The following L3MBTL3 variants were observed in gnomAD, a reference collection of about 807,000 sequenced individuals.
L3MBTL3 encodes the protein lethal(3)malignant brain tumor-like protein 3.
L3MBTL3 carries 27 observed loss-of-function variants against 102.3 expected under a neutral mutation model. That is an observed-to-expected ratio of 0.26 (90% CI 0.19 to 0.36). L3MBTL3 has a LOEUF of 0.36. L3MBTL3 is among the 10% of genes least tolerant of loss of function. L3MBTL3 has a pLI of 1.00. For missense variants in L3MBTL3, 798 were observed against 955.3 expected (o/e 0.84, Z 2.17); for synonymous variants, 340 against 320.9 (o/e 1.06, Z -0.64).
At chr6:130,114,829 C>G (rs1785559549) in intron 19 of L3MBTL3, among the ~76,000 whole-genome samples, 1 of 152,118 alleles carries the variant, frequency 6.6e-6, no homozygotes, top group Admixed American at 6.5e-5. Flanking sequence ...GTTTTAGTCC[C>G]AAGTCCCACT....
At chr6:130,104,087 C>T (rs571542052) in intron 18 of L3MBTL3, among the ~76,000 whole-genome samples, 2 of 152,290 alleles carry the variant, frequency 1.3e-5, no homozygotes, top group East Asian at 3.9e-4. Context: ...CTCTCTCCCA[C>T]CTTTGTCCTG....
In L3MBTL3 at chr6:130,139,678, G is replaced by A; in HGVS notation, c.2268G>A (p.Leu756=). The A allele has an allele frequency of 1.2e-6, 2 of 1,611,222 alleles. No individual in the cohort carries two copies. Among genetic ancestry groups the A allele is most frequent in the African/African-American group, 2.7e-5 (2 of 74,914 alleles). ...TTGTTAAAATTATGAGCATTAAACT[G>A]GGCCCTGCTCTCAAAATTTTCAATT... ...TDIVKIMSIK[L]GPALKIFNSI... is the part of the protein sequence containing the mutation. The change falls in exon 23 of 23, where the codon CTG becomes CTA. Residue 756 remains leucine (L), a synonymous_variant. Coordinates refer to ENST00000361794, the MANE Select transcript of L3MBTL3 (RefSeq NM_032438.4).
rs557076045 is a variant in L3MBTL3 at position 130,049,145 on chromosome 6, G to A, written c.103-137G>A. 8.3e-6 allele frequency: 5 copies of A among 605,430 alleles called. No homozygotes were observed. In the East Asian group the frequency reaches 1.4e-4, roughly 17 times the overall value. The allele number at this position is 605,430 out of a possible 1,614,324, so 37.5% of individuals were successfully genotyped here. ...AAAGGTCTTAGTATTGGTGGGAGGT[G>A]TATCAGGATATAATTGTCTAAATTA... On this transcript the variant is annotated intron_variant, in intron 3 of 22. Coordinates refer to ENST00000361794, the MANE Select transcript of L3MBTL3 (RefSeq NM_032438.4).
At chr6:130,058,378 C>G (rs1040951574) in intron 9 of L3MBTL3, among the ~76,000 whole-genome samples, 1 of 151,782 alleles carries the variant, frequency 6.6e-6, no homozygotes, top group Non-Finnish European at 1.5e-5. Context: ...ACATGCCTGC[C>G]TGCAGTCTCA....
At chr6:130,123,703 T>G (rs1317930086) in intron 20 of L3MBTL3, among the ~76,000 whole-genome samples, 1 of 152,228 alleles carries the variant, frequency 6.6e-6, no homozygotes, top group East Asian at 1.9e-4. Context: ...AAATGGTTTT[T>G]CAAGAACCAT....
intron 14 of L3MBTL3, among the ~76,000 whole-genome samples, chr6:130,078,944 T>C (rs1014270065): frequency 2.0e-5 from 3 of 152,136 alleles, no homozygotes; most frequent in Non-Finnish European, 2.9e-5. Flanking sequence ...TCAAATTTTG[T>C]CTCTCTTGGA....
intron 2 of L3MBTL3, among the ~76,000 whole-genome samples, chr6:130,038,620 G>C (rs1221500707): frequency 6.6e-6 from 1 of 151,762 alleles, no homozygotes; most frequent in Non-Finnish European, 1.5e-5. Context: ...CAGATTATTT[G>C]CTTTTTTGCT....
chr6:130,068,397 G>A lies in L3MBTL3; in HGVS notation c.1068G>A (p.Lys356=), dbSNP rs770964174. Residue 356 remains lysine, a synonymous_variant, in exon 12 of 23, where the codon AAG becomes AAA. Transcript: ENST00000361794. ...CATGTAAAGCTCAAGCTGCTCCTAA[G>A]TCATTATTTGAAAATCAGAATATAG... ...LKTCKAQAAP[K]SLFENQNITV... is the part of the protein sequence containing the mutation. 4 of 1,601,544 alleles carry A rather than the reference G, an allele frequency of 2.5e-6. No individual in the cohort carries two copies. Among genetic ancestry groups the A allele is most frequent in the Non-Finnish European group, 1.7e-6 (2 of 1,169,100 alleles).
chr6:130,021,586 A>C (rs972273875), intron 1 of L3MBTL3, among the ~76,000 whole-genome samples: 2 of 152,316 alleles, frequency 1.3e-5, no homozygotes, highest in Middle Eastern at 3.4e-3. Context: ...CTTTATTTTG[A>C]ATGTTAAGAA....
chr6:130,094,023 A>G (rs1562304753), intron 17 of L3MBTL3, among the ~76,000 whole-genome samples: 1 of 152,252 alleles, frequency 6.6e-6, no homozygotes, highest in Non-Finnish European at 1.5e-5. Flanking sequence ...GTCAAAGTTT[A>G]TCATTTCATT....
intron 9 of L3MBTL3, among the ~76,000 whole-genome samples, chr6:130,058,711 T>C (rs1222930012): frequency 1.3e-5 from 2 of 152,198 alleles, no homozygotes; most frequent in Non-Finnish European, 2.9e-5. Context: ...TAGGTCATTG[T>C]AGCACAAAAG....
In L3MBTL3 at chr6:130,133,265, T is replaced by C. The variant is rs931431932; in HGVS notation, c.1967-187T>C. ...GCTGTAGCAAATGATATCAGTTGAATTTACAGGTTGTTTTTTATAGTGACC... is the reference window on the plus strand; with the variant it reads ...GCTGTAGCAAATGATATCAGTTGAACTTACAGGTTGTTTTTTATAGTGACC... On this transcript the variant is annotated intron_variant, in intron 20 of 22. Transcript: ENST00000361794. The surrounding 1 kb of genome is among the most constrained non-coding windows in gnomAD (Gnocchi z 4.9). The C allele has an allele frequency of 1.2e-5, 7 of 566,044 alleles. No homozygotes were observed. Among genetic ancestry groups the C allele is most frequent in the Admixed American group, 3.1e-5 (1 of 32,186 alleles). The allele number at this position is 566,044 out of a possible 1,614,324, so 35.1% of individuals were successfully genotyped here. A position where few individuals can be genotyped will look rare whatever the true frequency, so the allele number is the denominator to read the frequency against.
chr6:130,108,284 G>T (rs1309404995), intron 19 of L3MBTL3, among the ~76,000 whole-genome samples: 1 of 139,774 alleles, frequency 7.2e-6, no homozygotes, highest in Non-Finnish European at 1.5e-5. Context: ...ACCCAGGCTG[G>T]AGTGCAGTGG....
At chr6:130,093,695 A>C (rs1002930303) in intron 17 of L3MBTL3, among the ~76,000 whole-genome samples, 3 of 152,252 alleles carry the variant, frequency 2.0e-5, no homozygotes, top group Non-Finnish European at 2.9e-5. Context: ...TTTATGTGGC[A>C]AAATAAAACA....
chr6:130,104,484 C>T lies in L3MBTL3; in HGVS notation c.1795C>T (p.Arg599Cys), dbSNP rs774664869. 5.6e-6 allele frequency: 9 copies of T among 1,599,258 alleles called. No homozygotes were observed. The East Asian group carries it at 6.8e-5, about 12-fold the overall frequency. ...GAATAAAGACCGTATTTTTCCAGACCGCTTAAGTGGTGAGATGCCTCCGGC... is the reference window on the plus strand; with the variant it reads ...GAATAAAGACCGTATTTTTCCAGACTGCTTAAGTGGTGAGATGCCTCCGGC... ...NLNKDRIFPD[R>C]LSGEMPPASP... The change falls in exon 19 of 23, where the codon CGC becomes TGC. Residue 599 changes from arginine to cysteine, a missense_variant. Arg to Cys is a radical substitution (Grantham distance 180). This residue lies in a region of L3MBTL3 where 306 missense variants were observed against 314.4 expected (regional missense o/e 0.97). Coordinates refer to ENST00000361794, the MANE Select transcript of L3MBTL3 (RefSeq NM_032438.4).
chr6:130,049,902 C>A, intron 5 of L3MBTL3, 72 bp downstream of exon 5: 11 of 1,532,994 alleles, frequency 7.2e-6, no homozygotes, highest in Non-Finnish European at 9.7e-6. Flanking sequence ...CAAACCTGCT[C>A]TTTCTTCCCT....
At chr6:130,029,344 A>G (rs1779557597) in intron 2 of L3MBTL3, among the ~76,000 whole-genome samples, 1 of 152,122 alleles carries the variant, frequency 6.6e-6, no homozygotes, top group Admixed American at 6.5e-5. Context: ...AATCTCTCAC[A>G]GCACTTTCTG....
At chr6:130,080,747 A>G (rs1300049371) in intron 14 of L3MBTL3, among the ~76,000 whole-genome samples, 2 of 152,244 alleles carry the variant, frequency 1.3e-5, no homozygotes, top group East Asian at 1.9e-4. Flanking sequence ...ATGAATATAC[A>G]TAATGCCATT....
At chr6:130,023,913 C>T (rs755057339) in intron 2 of L3MBTL3, among the ~76,000 whole-genome samples, 38 of 152,130 alleles carry the variant, frequency 2.5e-4, no homozygotes, top group Non-Finnish European at 5.1e-4. Context: ...ATACTATTGG[C>T]TCTTTGAGGG....
Sources: gnomAD v4.1 joint callset for allele counts (sites outside exome capture counted in the v4.1 genomes callset) on GRCh38, gnomAD v4.1.1 for gene constraint, gnomAD v4.1.1 regional missense constraint, Gnocchi (gnomAD v3.1) non-coding constraint, MANE v1.5 for transcripts, NCBI Gene and HGNC (gene_info 2026-07-23, HGNC 2026-07-21) for gene names.